CCSER1: variants seen among roughly 807,000 people sequenced by gnomAD.
CCSER1 encodes the protein serine-rich coiled-coil domain-containing protein 1.
CCSER1 carries 41 observed loss-of-function variants against 82.0 expected under a neutral mutation model. That is an observed-to-expected ratio of 0.50 (90% CI 0.39 to 0.65). The LOEUF is 0.65. Among genes scored for constraint, CCSER1 ranks in the 30% least tolerant of loss-of-function variants. The pLI is 0.00. For synonymous variants in CCSER1, 414 were observed against 383.9 expected, an observed-to-expected ratio of 1.08 and a Z score of -0.92; for missense variants, 1,119 against 1,064.2, an observed-to-expected ratio of 1.05 and a Z score of -0.72.
chr4:90,136,041 GAT>G (rs1403985074), intron 1 of CCSER1, among the ~76,000 whole-genome samples: 1 of 152,182 alleles, frequency 6.6e-6, no homozygotes, highest in African/African-American at 2.4e-5. Flanking sequence ...AGTTCATGAT[GAT>G]ATGACTCTTC....
chr4:90,870,157 T>C (rs1410743764), intron 8 of CCSER1, among the ~76,000 whole-genome samples: 1 of 151,596 alleles, frequency 6.6e-6, no homozygotes, highest in Non-Finnish European at 1.5e-5. Flanking sequence ...ATTTGACTTC[T>C]TCATTTCCAA....
rs554086552 is a variant in CCSER1 at position 91,264,917 on chromosome 4, T to A, written c.2217+178923T>A. Among the ~76,000 whole-genome samples the A allele has an allele frequency of 3.3e-5, 5 of 152,228 alleles. No individual in the cohort carries two copies. The South Asian group carries it at 8.3e-4, about 25-fold the overall frequency. On this transcript the variant is annotated intron_variant, in intron 10 of 10. Coordinates refer to ENST00000509176, the MANE Select transcript of CCSER1 (RefSeq NM_001145065.2). ...AGATATTAAAATATTTATCTGATTATATATGACTAATGAATAGATTTCAAA... is the reference window on the plus strand; with the variant it reads ...AGATATTAAAATATTTATCTGATTAAATATGACTAATGAATAGATTTCAAA...
chr4:91,281,169 C>T (rs1742883090), intron 10 of CCSER1, among the ~76,000 whole-genome samples: 1 of 152,204 alleles, frequency 6.6e-6, no homozygotes, highest in Non-Finnish European at 1.5e-5. Flanking sequence ...CCCAGTTGAG[C>T]TGGCTGCCTC....
intron 9 of CCSER1, among the ~76,000 whole-genome samples, chr4:91,079,880 A>G (rs1722498941): frequency 6.6e-6 from 1 of 152,224 alleles, no homozygotes; most frequent in South Asian, 2.1e-4. Flanking sequence ...TTCTAAATTT[A>G]TAGGCACCCA....
At chr4:90,536,277 G>A (rs1323681456) in intron 5 of CCSER1, among the ~76,000 whole-genome samples, 16 of 152,132 alleles carry the variant, frequency 1.1e-4, no homozygotes, top group Admixed American at 7.9e-4. Flanking sequence ...CAGGTGATGC[G>A]CCCGCCTCGG....
chr4:91,111,959 G>A (rs993438466), intron 10 of CCSER1, among the ~76,000 whole-genome samples: 9 of 151,852 alleles, frequency 5.9e-5, no homozygotes, highest in African/African-American at 2.2e-4. Context: ...AACCTTGGAA[G>A]GGCTACTCTT....
chr4:90,854,620 C>T lies in CCSER1; in HGVS notation c.2094+38775C>T, dbSNP rs11936287. 9.5e-3 allele frequency among the ~76,000 whole-genome samples: 1,439 copies of T among 152,238 alleles called. 27 individuals carry two copies. The highest frequency in any genetic ancestry group is 0.033 in the African/African-American group (1,372 of 41,556). ...TACTCCACTTTTCCATCCTCCAAGA[C>T]CTCTATCATTTGAGATATTTCCTTT... is the stretch of plus-strand genomic sequence containing the variant. On this transcript the variant is annotated intron_variant, in intron 8 of 10. Coordinates refer to ENST00000509176, the MANE Select transcript of CCSER1 (RefSeq NM_001145065.2).
At chr4:91,503,664 G>A (rs1759339434) in intron 10 of CCSER1, among the ~76,000 whole-genome samples, 2 of 152,010 alleles carry the variant, frequency 1.3e-5, no homozygotes, top group Non-Finnish European at 2.9e-5. Flanking sequence ...AAGGCTCTGG[G>A]GAATCAATCA....
intron 9 of CCSER1, among the ~76,000 whole-genome samples, chr4:91,043,049 A>G (rs1287895635): frequency 6.6e-6 from 1 of 152,166 alleles, no homozygotes; most frequent in South Asian, 2.1e-4. Context: ...GTTTTGGAGT[A>G]TCATCCACTA....
chr4:90,932,965 A>G (rs1399809116), intron 9 of CCSER1, among the ~76,000 whole-genome samples: 12 of 42,636 alleles, frequency 2.8e-4, no homozygotes, highest in Admixed American at 6.8e-4. Context: ...AAAGAAAGAA[A>G]GAAAGAAAGA....
chr4:90,550,616 A>G (rs1427766044), intron 5 of CCSER1, among the ~76,000 whole-genome samples: 2 of 152,230 alleles, frequency 1.3e-5, no homozygotes, highest in Non-Finnish European at 1.5e-5. Context: ...GAAGAATGTC[A>G]TTGACATAAA....
intron 10 of CCSER1, among the ~76,000 whole-genome samples, chr4:91,175,553 T>A (rs1363388741): frequency 1.3e-5 from 2 of 152,212 alleles, no homozygotes; most frequent in South Asian, 2.1e-4. Flanking sequence ...TGGTTTTGAT[T>A]TGCATTTCTC....
intron 9 of CCSER1, among the ~76,000 whole-genome samples, chr4:90,954,118 A>C (rs1733192221): frequency 6.6e-6 from 1 of 152,040 alleles, no homozygotes; most frequent in African/African-American, 2.4e-5. Flanking sequence ...TCTTTAAAGA[A>C]ATAATTTATA....
intron 8 of CCSER1, among the ~76,000 whole-genome samples, chr4:90,894,101 A>G (rs1308920730): frequency 6.6e-6 from 1 of 152,012 alleles, no homozygotes; most frequent in Admixed American, 6.6e-5. Context: ...GCCAAGCATC[A>G]GCTAATAAAT....
chr4:90,781,966 T>C (rs1753832435), intron 7 of CCSER1: 1 of 894,700 alleles, frequency 1.1e-6, no homozygotes, highest in African/African-American at 1.8e-5. Flanking sequence ...ATGCCCGATA[T>C]AGGAACAAAA....
chr4:91,043,303 T>A (rs1051440928), intron 9 of CCSER1, among the ~76,000 whole-genome samples: 1 of 152,046 alleles, frequency 6.6e-6, no homozygotes, highest in African/African-American at 2.4e-5. Flanking sequence ...CCCCAAATTA[T>A]TCTTTAGAAG....
intron 10 of CCSER1, among the ~76,000 whole-genome samples, chr4:91,202,662 A>C (rs1735998358): frequency 6.6e-6 from 1 of 151,462 alleles, no homozygotes. Context: ...GTTGACCTTC[A>C]TAAAAATGTA....
chr4:90,470,450 A>G (rs1185467674), intron 5 of CCSER1, among the ~76,000 whole-genome samples: 1 of 152,220 alleles, frequency 6.6e-6, no homozygotes, highest in Non-Finnish European at 1.5e-5. Context: ...CTTGTTTGCC[A>G]GTGACAGAAG....
chr4:90,837,820 T>C (rs1490304277), intron 8 of CCSER1, among the ~76,000 whole-genome samples: 3 of 152,138 alleles, frequency 2.0e-5, no homozygotes, highest in Non-Finnish European at 4.4e-5. Context: ...TTATAAATTT[T>C]TAATTATTAA....
Sources: gnomAD v4.1 joint callset for allele counts (sites outside exome capture counted in the v4.1 genomes callset) on GRCh38, gnomAD v4.1.1 for gene constraint, MANE v1.5 for transcripts, NCBI Gene and HGNC (gene_info 2026-07-23, HGNC 2026-07-21) for gene names.